The following NXF3 variants were observed in gnomAD, a reference collection of about 807,000 sequenced individuals.
NXF3 encodes TAP-like protein 3.
Under a neutral mutation model 48.4 loss-of-function variants are expected in NXF3, and 34 were observed. The ratio of observed to expected loss-of-function variants is 0.70; its 90% CI spans 0.53 to 0.93. NXF3 has a LOEUF of 0.93. NXF3 is among the 40% of genes least tolerant of loss of function. The pLI, the probability that NXF3 is intolerant of heterozygous loss-of-function variation, is 0.00. For synonymous variants in NXF3, 132 were observed against 145.7 expected (o/e 0.91, Z 0.68); for missense variants, 359 against 406.1 (o/e 0.88, Z 1.00).
At chrX:103,087,984 A>T (rs1922194023) in intron 1 of NXF3, 2 of 968,792 alleles carry the variant, frequency 2.1e-6, no homozygotes, top group African/African-American at 3.8e-5. Context: ...AGTTAAATGC[A>T]AATCAGGGTG....
chrX:103,083,749 G>A (rs748108968), intron 3 of NXF3, 57 bp from the exon 4 acceptor site: 167 of 912,178 alleles, frequency 1.8e-4, no homozygotes, highest in Non-Finnish European at 2.5e-4. Flanking sequence ...GGAATTAAAC[G>A]TTAAAAGTGG....
rs1922104766 is a variant in NXF3 at position 103,084,754 on chromosome X, G to C, written c.158C>G (p.Ala53Gly). The C allele has an allele frequency of 1.2e-5, 15 of 1,210,238 alleles. No homozygotes were observed. The highest frequency in any genetic ancestry group is 1.7e-5 in the Non-Finnish European group (15 of 895,191). Reference protein sequence around the residue: ...SSSHQQQDGDAAMHGAHMDSP... With the variant: ...SSSHQQQDGDGAMHGAHMDSP... ...GTCCATGTGGGCACCATGCATTGCT[G>C]CATCTCCATCTTGCTGCTGATGGGA... Residue 53 changes from alanine to glycine, a missense_variant, in exon 2 of 20, where the codon GCA becomes GGA. Physicochemically the swap from Ala to Gly is moderately conservative, Grantham distance 60 (BLOSUM62 0). Transcript: ENST00000395065.
rs368629557 is a variant in NXF3, at chrX:103,080,544, T to A, written c.927+32A>T. 11 of 1,185,302 alleles carry A rather than the reference T, an allele frequency of 9.3e-6. No homozygotes were observed. In the African/African-American group the frequency reaches 1.9e-4, roughly 21 times the overall value. On this transcript the variant is annotated intron_variant, in intron 10 of 19. Transcript: ENST00000395065. ...AGTTGGGGGCAGCATCAGTCCCAAT[T>A]AGGAAAGTCAATGATCAAGGAATAC... is the stretch of plus-strand genomic sequence containing the variant.
intron 7 of NXF3, 38 bp downstream of exon 7, chrX:103,082,966 T>C (rs2093426039): frequency 3.4e-6 from 4 of 1,169,042 alleles, no homozygotes; most frequent in Non-Finnish European, 2.3e-6. Context: ...CAGACACCTC[T>C]GCCCTCATCT....
intron 1 of NXF3, among the ~76,000 whole-genome samples, chrX:103,091,198 T>C (rs1418651483): frequency 8.9e-6 from 1 of 111,941 alleles, no homozygotes; most frequent in Admixed American, 9.5e-5. Flanking sequence ...TAAGTGATGC[T>C]ACTATACTTT....
At chrX:103,090,487 T>G (rs1453553911) in intron 1 of NXF3, among the ~76,000 whole-genome samples, 6 of 112,144 alleles carry the variant, frequency 5.4e-5, no homozygotes, top group African/African-American at 1.6e-4. Context: ...CCTTTGCCTT[T>G]GTTTATAAAA....
At chrX:103,082,896 C>T in intron 7 of NXF3, 48 bp from the exon 8 acceptor site, 1 of 1,153,515 alleles carries the variant, frequency 8.7e-7, no homozygotes, top group South Asian at 1.8e-5. Context: ...AGGGACCCGC[C>T]TGGTACAGCA....
intron 16 of NXF3, 134 bp downstream of exon 16, chrX:103,079,087 G>T: frequency 1.4e-6 from 1 of 690,747 alleles, no homozygotes; most frequent in Non-Finnish European, 2.3e-6. Flanking sequence ...GGCAGAGTTG[G>T]GGTGGGAAAA....
At chrX:103,080,728 G>A (rs746304108) in intron 9 of NXF3, 116 bp from the exon 10 acceptor site, 19 of 706,190 alleles carry the variant, frequency 2.7e-5, no homozygotes, top group Admixed American at 1.0e-4. Context: ...CCTACACTCC[G>A]AAGTTCCTGC....
chrX:103,087,617 C>T (rs1922185127), intron 1 of NXF3: 8 of 972,062 alleles, frequency 8.2e-6, no homozygotes, highest in Non-Finnish European at 8.8e-6. Context: ...ATGGGCATTA[C>T]ACCCGTGCTC....
chrX:103,087,917 C>T, intron 1 of NXF3: 2 of 948,381 alleles, frequency 2.1e-6, no homozygotes, highest in Middle Eastern at 3.7e-4. Context: ...AGGAATAAGG[C>T]TTTTTGAGCT....
At chrX:103,077,796 A>G in intron 17 of NXF3, 50 bp from the exon 18 acceptor site, 1 of 1,178,378 alleles carries the variant, frequency 8.5e-7, no homozygotes, top group Non-Finnish European at 1.1e-6. Context: ...ACACCTCCCC[A>G]CCCGCTACAA....
intron 10 of NXF3, 90 bp from the exon 11 acceptor site, chrX:103,080,306 C>G: frequency 1.1e-6 from 1 of 936,643 alleles, no homozygotes; most frequent in Non-Finnish European, 1.5e-6. Flanking sequence ...AGGGTGAGAT[C>G]AGAAATCAGG....
chrX:103,092,975 G>A, intron 1 of NXF3, 21 bp downstream of exon 1: 1 of 1,205,519 alleles, frequency 8.3e-7, no homozygotes. Flanking sequence ...TGAGACTCCA[G>A]CCTCATGCTG....
chrX:103,087,001 G>A (rs895468789), intron 1 of NXF3, among the ~76,000 whole-genome samples: 10 of 112,138 alleles, frequency 8.9e-5, no homozygotes, highest in Non-Finnish European at 1.5e-4. Flanking sequence ...ATTGAGAAGT[G>A]GAGAGACTCC....
At chrX:103,076,375 T>A in intron 18 of NXF3, 74 bp from the exon 19 acceptor site, 1 of 1,048,389 alleles carries the variant, frequency 9.5e-7, no homozygotes, top group African/African-American at 1.8e-5. Context: ...ATGCCATTTC[T>A]TAATCTATGC....
intron 6 of NXF3, 57 bp downstream of exon 6, chrX:103,083,135 TG>T: frequency 8.4e-7 from 1 of 1,191,137 alleles, no homozygotes; most frequent in South Asian, 1.8e-5. Context: ...GGGCAATAGG[TG>T]GGGAAGAAGC....
intron 1 of NXF3, chrX:103,089,409 T>C: frequency 3.9e-6 from 1 of 258,768 alleles, no homozygotes; most frequent in Non-Finnish European, 6.8e-6. Flanking sequence ...TTGTCCTGCA[T>C]AGTAAGGAGG....
chrX:103,078,321 T>C (rs1393483576), intron 17 of NXF3, among the ~76,000 whole-genome samples: 2 of 111,939 alleles, frequency 1.8e-5, no homozygotes, highest in African/African-American at 6.5e-5. Flanking sequence ...AGACAGGGTC[T>C]CACTGTGTTG....
Sources: allele counts gnomAD v4.1 joint callset (sites outside exome capture counted in the v4.1 genomes callset), GRCh38; gene constraint gnomAD v4.1.1; transcripts MANE v1.5; gene names NCBI Gene and HGNC (gene_info 2026-07-23, HGNC 2026-07-21).